The following NACC2 variants were observed in gnomAD, a reference collection of about 807,000 sequenced individuals.
NACC2 encodes nucleus accumbens-associated protein 2.
Under a neutral mutation model 25.1 loss-of-function variants are expected in NACC2, and 8 were observed. That is an observed-to-expected ratio of 0.32 (90% confidence interval 0.19 to 0.57). The LOEUF (loss-of-function observed/expected upper bound fraction) is 0.57. Ranked by LOEUF, NACC2 falls within the 20% of genes least tolerant of loss-of-function variation. NACC2 has a pLI of 0.89. For missense variants in NACC2, 644 were observed against 650.2 expected (o/e 0.99, Z 0.10); for synonymous variants, 435 against 294.7 (o/e 1.48, Z -4.88).
chr9:136,077,293 G>A (rs148236702), intron 1 of NACC2, among the ~76,000 whole-genome samples: 2,125 of 151,400 alleles, frequency 0.014, 48 homozygotes, highest in African/African-American at 0.049. Context: ...TTGCGCCATT[G>A]CACTCCAGCC....
In NACC2 at chr9:136,008,124, A is replaced by G. The variant is rs1188833201; in HGVS notation, c.*3392T>C. 1 of 152,300 alleles carries G rather than the reference A, an allele frequency of 6.6e-6. No individual in the cohort carries two copies. Among genetic ancestry groups the G allele is most frequent in the Non-Finnish European group, 1.5e-5 (1 of 68,086 alleles). The allele number at this position is 152,300 out of a possible 1,614,324, so 9.4% of individuals were successfully genotyped here. On this transcript the variant is annotated 3_prime_UTR_variant, in exon 6 of 6. Transcript: ENST00000277554. ...TTGTCCACATTCAGGGGCAAAGTAC[A>G]ACAACCAAATCCAATGCAAAGTTAA...
intron 1 of NACC2, among the ~76,000 whole-genome samples, chr9:136,071,763 T>A (rs1251917930): frequency 6.6e-6 from 1 of 152,092 alleles, no homozygotes; most frequent in East Asian, 1.9e-4. Flanking sequence ...TATGGATCAA[T>A]GGAACAGAAT....
chr9:136,088,325 G>A (rs962848411), intron 1 of NACC2, among the ~76,000 whole-genome samples: 2 of 152,168 alleles, frequency 1.3e-5, no homozygotes, highest in Non-Finnish European at 2.9e-5. Flanking sequence ...TACTCAGCAG[G>A]GTGGGAGGGA....
intron 1 of NACC2, among the ~76,000 whole-genome samples, chr9:136,094,680 G>A (rs1422955475): frequency 2.0e-5 from 3 of 152,174 alleles, no homozygotes; most frequent in South Asian, 4.1e-4. Context: ...ACCTGGACCG[G>A]GAGGGCGAGG....
intron 1 of NACC2, among the ~76,000 whole-genome samples, chr9:136,063,037 T>C (rs929429121): frequency 1.3e-5 from 2 of 152,238 alleles, no homozygotes; most frequent in Non-Finnish European, 2.9e-5. Context: ...AGCCCGACTT[T>C]GCCGTCACTG....
intron 2 of NACC2, among the ~76,000 whole-genome samples, chr9:136,039,897 G>C (rs1234516788): frequency 1.3e-4 from 20 of 152,028 alleles, no homozygotes; most frequent in African/African-American, 4.6e-4. Context: ...TGGAGATCCA[G>C]AAATACAAGG....
chr9:136,015,431 G>A (rs950472050), intron 3 of NACC2, among the ~76,000 whole-genome samples: 3 of 152,230 alleles, frequency 2.0e-5, no homozygotes, highest in Non-Finnish European at 4.4e-5. Flanking sequence ...GTGCAGCCCA[G>A]GAGGCCACTC....
At chr9:136,021,308 C>T (rs1352516540) in intron 2 of NACC2, among the ~76,000 whole-genome samples, 2 of 151,778 alleles carry the variant, frequency 1.3e-5, no homozygotes, top group Admixed American at 6.6e-5. Flanking sequence ...GGGAGAAATG[C>T]AAATCAAGCC....
chr9:136,083,465 T>C (rs1293867014), intron 1 of NACC2, among the ~76,000 whole-genome samples: 2 of 152,074 alleles, frequency 1.3e-5, no homozygotes, highest in African/African-American at 4.8e-5. Context: ...CACCCCAAAC[T>C]CGAATGTGAC....
intron 2 of NACC2, among the ~76,000 whole-genome samples, chr9:136,036,537 A>T (rs1178317784): frequency 3.3e-5 from 5 of 152,198 alleles, no homozygotes; most frequent in Admixed American, 2.6e-4. Flanking sequence ...ATATAAATAC[A>T]CACATATACA....
Position 136,007,345 on chromosome 9 carries a change from G to A in NACC2, c.*4171C>T, listed in dbSNP as rs528072579. The A allele has an allele frequency of 1.9e-3, 294 of 152,940 alleles. 1 individual carries two copies. Among genetic ancestry groups the A allele is most frequent in the African/African-American group, 6.6e-3 (273 of 41,484 alleles). The allele number at this position is 152,940 out of a possible 1,614,324, so 9.5% of individuals were successfully genotyped here. A position where few individuals can be genotyped will look rare whatever the true frequency, so the allele number is the denominator to read the frequency against. The stretch of plus-strand genomic sequence containing the variant: ...TGCTCCGGTGGTGACGTGCACGCGC[G>A]TGCACACACACAGACACACGCGTGC... On this transcript the variant is annotated 3_prime_UTR_variant, in exon 6 of 6. Coordinates refer to ENST00000277554, the MANE Select transcript of NACC2 (RefSeq NM_144653.5).
chr9:136,039,572 T>C (rs919839697), intron 2 of NACC2, among the ~76,000 whole-genome samples: 61 of 152,178 alleles, frequency 4.0e-4, no homozygotes, highest in African/African-American at 1.5e-3. Flanking sequence ...GCAAAATTCC[T>C]TGAGAAAATA....
chr9:136,044,995 G>A (rs1459822864), intron 2 of NACC2, among the ~76,000 whole-genome samples: 1 of 152,352 alleles, frequency 6.6e-6, no homozygotes, highest in African/African-American at 2.4e-5. Flanking sequence ...CTGATGGGCA[G>A]AGCCAGGACA....
chr9:136,032,078 C>T (rs1840483762), intron 2 of NACC2, among the ~76,000 whole-genome samples: 1 of 143,870 alleles, frequency 7.0e-6, no homozygotes, highest in South Asian at 2.1e-4. Context: ...CCGCCAGACT[C>T]CTGGGATCCC....
At position 136,084,503 on chromosome 9, in the gene NACC2, C is replaced by T. The variant is rs1343925469; in HGVS notation, c.-60+10686G>A. Among the ~76,000 whole-genome samples, 1 of 152,200 alleles carries T rather than the reference C, an allele frequency of 6.6e-6. No homozygotes were observed. Among genetic ancestry groups the T allele is most frequent in the African/African-American group, 2.4e-5 (1 of 41,444 alleles). On this transcript the variant is annotated intron_variant, in intron 1 of 5. Coordinates refer to ENST00000277554, the MANE Select transcript of NACC2 (RefSeq NM_144653.5). This position sits in a 1 kb window ranked among gnomAD's most constrained non-coding sequence, Gnocchi z 5.1. ...CAGGAGGCCACAGACAAACCTACCT[C>T]GAGGGTCCATCTATCAAATCTGTCA...
At chr9:136,092,538 G>T (rs1169466175) in intron 1 of NACC2, among the ~76,000 whole-genome samples, 3 of 152,212 alleles carry the variant, frequency 2.0e-5, no homozygotes. Context: ...ACGCCTGGAA[G>T]CCCAGCCCCA....
chr9:136,020,007 G>A lies in NACC2; in HGVS notation c.887-3578C>T, dbSNP rs917401648. ...GGGTGCCGGGGCTGGGTGGGGGAAC[G>A]GGGAGGGACCGTTTCATGGGGATGA... is the stretch of plus-strand genomic sequence containing the variant. On this transcript the variant is annotated intron_variant, in intron 2 of 5. Transcript: ENST00000277554. This position sits in a 1 kb window ranked among gnomAD's most constrained non-coding sequence, Gnocchi z 4.7. Among the ~76,000 whole-genome samples, 15 of 152,058 alleles carry A rather than the reference G, an allele frequency of 9.9e-5. No homozygotes were observed. The highest frequency in any genetic ancestry group is 2.1e-4 in the South Asian group (1 of 4,828).
At chr9:136,038,553 A>G (rs1322403584) in intron 2 of NACC2, among the ~76,000 whole-genome samples, 1 of 152,222 alleles carries the variant, frequency 6.6e-6, no homozygotes, top group East Asian at 1.9e-4. Context: ...AAGTAATAAT[A>G]ATATAAATTT....
chr9:136,018,990 C>T lies in NACC2; in HGVS notation c.887-2561G>A, dbSNP rs1472020708. On this transcript the variant is annotated intron_variant, in intron 2 of 5. Transcript: ENST00000277554. This position sits in a 1 kb window ranked among gnomAD's most constrained non-coding sequence, Gnocchi z 4.4. ...CACCCGCCCCTCCCCAGCCCCTGCC[C>T]AGCTCCCCAAGAGCCAGAGACTGTC... 1.3e-5 allele frequency among the ~76,000 whole-genome samples: 2 copies of T among 152,308 alleles called. No homozygotes were observed. Among genetic ancestry groups the T allele is most frequent in the East Asian group, 3.9e-4 (2 of 5,180 alleles).
Sources: gnomAD v4.1 joint callset for allele counts (sites outside exome capture counted in the v4.1 genomes callset) on GRCh38, gnomAD v4.1.1 for gene constraint, Gnocchi (gnomAD v3.1) non-coding constraint, MANE v1.5 for transcripts, NCBI Gene and HGNC (gene_info 2026-07-23, HGNC 2026-07-21) for gene names.